The following ASXL3 variants were observed in gnomAD, a reference collection of about 807,000 sequenced individuals.
ASXL3 encodes ASXL transcriptional regulator 3, also known as putative Polycomb group protein ASXL3.
In ASXL3, 34 loss-of-function variants were observed where a neutral mutation model predicts 170.6. That is an observed-to-expected ratio of 0.20 (90% CI 0.15 to 0.27). ASXL3 has a LOEUF of 0.27. ASXL3 is among the 10% of genes least tolerant of loss of function. The pLI is 1.00. For missense variants in ASXL3, 2,592 were observed against 2,695.3 expected, an observed-to-expected ratio of 0.96 and a Z score of 0.85; for synonymous variants, 1,002 against 989.1, an observed-to-expected ratio of 1.01 and a Z score of -0.24.
At chr18:33,612,518 T>C (rs1401779249) in intron 2 of ASXL3, among the ~76,000 whole-genome samples, 1 of 152,116 alleles carries the variant, frequency 6.6e-6, no homozygotes. Context: ...TTTATTCCAC[T>C]GATAACTCTG....
chr18:33,578,301 C>A lies in ASXL3; in HGVS notation c.-331C>A, dbSNP rs1029565481. The A allele has an allele frequency of 1.4e-5, 2 of 146,756 alleles. No homozygotes were observed. The highest frequency in any genetic ancestry group is 1.4e-4 in the Admixed American group (2 of 14,776). 9.1% of individuals were successfully genotyped at this position (146,756 alleles called of 1,614,324 possible). ...GGCCGCGGCGGTGGCGCAGCGCGAGCCCCGCACGAGCGAGCCCGGCCGGCG... is the reference window on the plus strand; with the variant it reads ...GGCCGCGGCGGTGGCGCAGCGCGAGACCCGCACGAGCGAGCCCGGCCGGCG... On this transcript the variant is annotated 5_prime_UTR_variant, in exon 1 of 12. Transcript: ENST00000269197.
rs376654969 is a variant in ASXL3, at chr18:33,601,785, G to GTGTATATATATA, written c.55-5808_55-5807insGTATATATATAT. On this transcript the variant is annotated intron_variant, in intron 1 of 11. Coordinates refer to ENST00000269197, the MANE Select transcript of ASXL3 (RefSeq NM_030632.3). ...TGAGAATTTAAGTAAATATCTGATTGTATATATATAGTTTGTTTGTTTTGA... is the reference window on the plus strand; with the variant it reads ...TGAGAATTTAAGTAAATATCTGATTGTGTATATATATATATATATATAGTTTGTTTGTTTTGA... 2.1e-4 allele frequency among the ~76,000 whole-genome samples: 22 copies of GTGTATATATATA among 103,892 alleles called. 1 individual carries two copies. The highest frequency in any genetic ancestry group is 7.3e-4 in the African/African-American group (21 of 28,794). The allele number at this position is 103,892 out of a possible 152,430, so 68.2% of individuals were successfully genotyped here.
chr18:33,660,145 G>A (rs2066148981), intron 4 of ASXL3, among the ~76,000 whole-genome samples: 1 of 152,062 alleles, frequency 6.6e-6, no homozygotes, highest in Non-Finnish European at 1.5e-5. Context: ...ATGACCATGG[G>A]CAAGTTATTT....
intron 11 of ASXL3, among the ~76,000 whole-genome samples, chr18:33,740,842 A>G (rs1320560249): frequency 2.0e-5 from 3 of 151,902 alleles, no homozygotes; most frequent in African/African-American, 7.3e-5. Flanking sequence ...AATTTTTTCT[A>G]AGTTTCTGCT....
At chr18:33,612,985 A>G (rs1489864883) in intron 2 of ASXL3, among the ~76,000 whole-genome samples, 1 of 152,058 alleles carries the variant, frequency 6.6e-6, no homozygotes, top group African/African-American at 2.4e-5. Context: ...CATTGTGTAA[A>G]TGGTGTGCAC....
At chr18:33,587,192 T>C (rs935224369) in intron 1 of ASXL3, among the ~76,000 whole-genome samples, 1 of 152,206 alleles carries the variant, frequency 6.6e-6, no homozygotes, top group African/African-American at 2.4e-5. Flanking sequence ...CTGACAACAC[T>C]GTTTTAAAGT....
chr18:33,721,016 A>G (rs1280663844), intron 8 of ASXL3, among the ~76,000 whole-genome samples: 1 of 151,974 alleles, frequency 6.6e-6, no homozygotes, highest in Admixed American at 6.6e-5. Flanking sequence ...TCCTTGTTTC[A>G]TTTGCTTTTA....
intron 1 of ASXL3, among the ~76,000 whole-genome samples, chr18:33,595,986 A>G (rs2065122685): frequency 6.6e-6 from 1 of 152,194 alleles, no homozygotes; most frequent in Non-Finnish European, 1.5e-5. Flanking sequence ...AGGGAATAAT[A>G]AACTGAGTAC....
At chr18:33,684,287 G>A (rs2145287582) in intron 8 of ASXL3, among the ~76,000 whole-genome samples, 1 of 152,174 alleles carries the variant, frequency 6.6e-6, no homozygotes, top group Non-Finnish European at 1.5e-5. Context: ...AGTGAATTCT[G>A]AAACTGTGCA....
intron 4 of ASXL3, among the ~76,000 whole-genome samples, chr18:33,647,753 T>C (rs1190734358): frequency 6.6e-6 from 1 of 151,928 alleles, no homozygotes; most frequent in East Asian, 1.9e-4. Context: ...AAAGCAAATC[T>C]CTCATGAAGC....
intron 11 of ASXL3, among the ~76,000 whole-genome samples, chr18:33,741,211 G>A (rs1180375595): frequency 1.3e-5 from 2 of 152,166 alleles, no homozygotes; most frequent in African/African-American, 2.4e-5. Context: ...TTCCATAGGA[G>A]ATATTTTTAA....
chr18:33,604,593 AC>A (rs1476083699), intron 1 of ASXL3, among the ~76,000 whole-genome samples: 1 of 151,914 alleles, frequency 6.6e-6, no homozygotes, highest in Non-Finnish European at 1.5e-5. Context: ...ACCTAGTGGG[AC>A]CCCTGGACAA....
At position 33,709,471 on chromosome 18, in the gene ASXL3, A is replaced by G. The variant is rs1195473761; in HGVS notation, c.880-22497A>G. Among the ~76,000 whole-genome samples the G allele has an allele frequency of 3.3e-5, 5 of 152,338 alleles. No individual in the cohort carries two copies. In the East Asian group the frequency reaches 9.6e-4, roughly 29 times the overall value. On this transcript the variant is annotated intron_variant, in intron 8 of 11. Coordinates refer to ENST00000269197, the MANE Select transcript of ASXL3 (RefSeq NM_030632.3). ...CAATGAGAATGAACAAACGACATCTACATGCAACACCATGGATGAATCTCA... is the reference window on the plus strand; with the variant it reads ...CAATGAGAATGAACAAACGACATCTGCATGCAACACCATGGATGAATCTCA...
At position 33,582,159 on chromosome 18, in the gene ASXL3, A is replaced by G. The variant is rs77787309; in HGVS notation, c.54+3474A>G. Among the ~76,000 whole-genome samples, 455 of 152,316 alleles carry G rather than the reference A, an allele frequency of 3.0e-3. 2 individuals are homozygous for G. Among genetic ancestry groups the G allele is most frequent in the African/African-American group, 0.011 (440 of 41,566 alleles). Reference sequence around the variant, plus strand: ...ACATGGAAGTATCTTCTGTCTTAATATTTGTAGACCACAATAAGAATAAAA... The same window carrying G: ...ACATGGAAGTATCTTCTGTCTTAATGTTTGTAGACCACAATAAGAATAAAA... On this transcript the variant is annotated intron_variant, in intron 1 of 11. Transcript: ENST00000269197.
chr18:33,746,693 A>ATTTAT lies in ASXL3; in HGVS notation c.*102_*106dup. Reference sequence around the variant, plus strand: ...TAATGCAGTGGTTTCTATCATGCTAATTTATTTTGCTTTGGAGCAGGTACC... The same window carrying ATTTAT: ...TAATGCAGTGGTTTCTATCATGCTAATTTATTTTATTTTGCTTTGGAGCAGGTACC... On this transcript the variant is annotated 3_prime_UTR_variant, in exon 12 of 12. Transcript: ENST00000269197. The ATTTAT allele has an allele frequency of 6.8e-7, 1 of 1,470,894 alleles. No individual in the cohort carries two copies. The highest frequency in any genetic ancestry group is 1.5e-5 in the South Asian group (1 of 65,826). 91.1% of individuals were successfully genotyped at this position (1,470,894 alleles called of 1,614,324 possible).
intron 2 of ASXL3, chr18:33,614,497 C>T (rs886984108): frequency 6.6e-6 from 1 of 152,136 alleles, no homozygotes; most frequent in African/African-American, 2.4e-5. Context: ...CTTCCATACT[C>T]TTGTTAATGT....
chr18:33,630,083 A>G (rs2065655190), intron 2 of ASXL3, among the ~76,000 whole-genome samples: 1 of 151,978 alleles, frequency 6.6e-6, no homozygotes, highest in African/African-American at 2.4e-5. Flanking sequence ...AAATTAAAAC[A>G]AGAACTAGGT....
At chr18:33,626,061 G>T (rs2065597140) in intron 2 of ASXL3, among the ~76,000 whole-genome samples, 1 of 151,818 alleles carries the variant, frequency 6.6e-6, no homozygotes, top group South Asian at 2.1e-4. Context: ...GGGGCAAGCG[G>T]AAAGGAAATA....
intron 1 of ASXL3, among the ~76,000 whole-genome samples, chr18:33,597,159 A>G (rs1386425527): frequency 3.3e-5 from 5 of 152,124 alleles, no homozygotes; most frequent in African/African-American, 1.2e-4. Context: ...TATAACTTAT[A>G]TAATACATGC....
Sources: gnomAD v4.1 joint callset for allele counts (sites outside exome capture counted in the v4.1 genomes callset) on GRCh38, gnomAD v4.1.1 for gene constraint, MANE v1.5 for transcripts, NCBI Gene and HGNC (gene_info 2026-07-23, HGNC 2026-07-21) for gene names.